Variants in FAM222B observed in about 807,000 individuals in gnomAD.
FAM222B encodes the protein family with sequence similarity 222 member B.
Under a neutral mutation model 38.0 loss-of-function variants are expected in FAM222B, and 12 were observed. The observed-to-expected ratio is 0.32, with a 90% CI of 0.20 to 0.51. FAM222B has a LOEUF of 0.51. Among genes scored for constraint, FAM222B ranks in the 20% least tolerant of loss-of-function variants. FAM222B has a pLI of 0.97. For synonymous variants in FAM222B, 329 were observed against 317.2 expected (o/e 1.04, Z -0.40); for missense variants, 716 against 754.2 (o/e 0.95, Z 0.59).
At chr17:28,772,446 C>T (rs1243323011) in intron 1 of FAM222B, among the ~76,000 whole-genome samples, 6 of 151,720 alleles carry the variant, frequency 4.0e-5, no homozygotes, top group Admixed American at 6.6e-5. Context: ...AGAGAGAGGC[C>T]GGTCGCGGTG....
At chr17:28,803,447 A>C (rs2037331389) in intron 1 of FAM222B, among the ~76,000 whole-genome samples, 1 of 151,998 alleles carries the variant, frequency 6.6e-6, no homozygotes, top group South Asian at 2.1e-4. Flanking sequence ...CTGGGAGTAC[A>C]GGCACACATC....
chr17:28,775,620 C>T (rs1451409208), intron 1 of FAM222B, among the ~76,000 whole-genome samples: 1 of 152,012 alleles, frequency 6.6e-6, no homozygotes, highest in Non-Finnish European at 1.5e-5. Context: ...TGGCTCACAC[C>T]TGGAATCCCC....
intron 1 of FAM222B, among the ~76,000 whole-genome samples, chr17:28,823,824 C>A (rs547402088): frequency 6.6e-6 from 1 of 152,002 alleles, no homozygotes; most frequent in Non-Finnish European, 1.5e-5. Flanking sequence ...TATCTAATTT[C>A]TCCATTTGGA....
intron 1 of FAM222B, among the ~76,000 whole-genome samples, chr17:28,782,372 T>C (rs2036202580): frequency 6.6e-6 from 1 of 152,038 alleles, no homozygotes; most frequent in Non-Finnish European, 1.5e-5. Context: ...TAATCAAAGA[T>C]GTGAAAAAAG....
At chr17:28,785,565 C>T (rs181113571) in intron 1 of FAM222B, among the ~76,000 whole-genome samples, 97 of 152,252 alleles carry the variant, frequency 6.4e-4, no homozygotes, top group African/African-American at 2.1e-3. Context: ...GACAGAGTTT[C>T]GCTCTTGTTG....
In FAM222B at chr17:28,756,500, G is replaced by A. The variant is rs1030014679; in HGVS notation, c.*1770C>T. ...TTTGGAGATCAAGCAAGGGGTAGGG[G>A]GAAGACAGTGGTGCTCTTTAAATCT... On this transcript the variant is annotated 3_prime_UTR_variant, in exon 3 of 3. Transcript: ENST00000581407. 1.2e-4 allele frequency: 18 copies of A among 152,452 alleles called. No homozygotes were observed. Among genetic ancestry groups the A allele is most frequent in the African/African-American group, 3.9e-4 (16 of 41,436 alleles). The allele number at this position is 152,452 out of a possible 1,614,324, so 9.4% of individuals were successfully genotyped here.
At chr17:28,787,418 C>CTA (rs1456866552) in intron 1 of FAM222B, among the ~76,000 whole-genome samples, 3 of 152,180 alleles carry the variant, frequency 2.0e-5, no homozygotes, top group African/African-American at 7.2e-5. Flanking sequence ...TCAAAGGCTT[C>CTA]TATATAGCCT....
At chr17:28,813,667 C>A (rs1431088695) in intron 1 of FAM222B, among the ~76,000 whole-genome samples, 1 of 151,200 alleles carries the variant, frequency 6.6e-6, no homozygotes, top group Admixed American at 6.6e-5. Flanking sequence ...GCTGGAGTAG[C>A]TGGGACTACA....
At chr17:28,771,969 AT>A (rs2035654330) in intron 1 of FAM222B, among the ~76,000 whole-genome samples, 1 of 152,178 alleles carries the variant, frequency 6.6e-6, no homozygotes, top group African/African-American at 2.4e-5. Context: ...AGGCAGGAGA[AT>A]GGCATGAACC....
At chr17:28,852,304 C>G (rs960411177) in intron 1 of FAM222B, among the ~76,000 whole-genome samples, 2 of 151,320 alleles carry the variant, frequency 1.3e-5, no homozygotes, top group Non-Finnish European at 3.0e-5. Flanking sequence ...GAGGCAGAGC[C>G]AAGATCGTGC....
In FAM222B at chr17:28,758,726, C is replaced by A; in HGVS notation, c.1233G>T (p.Pro411=). The A allele has an allele frequency of 6.3e-7, 1 of 1,585,460 alleles. No homozygotes were observed. The highest frequency in any genetic ancestry group is 8.6e-7 in the Non-Finnish European group (1 of 1,163,712). Residue 411 remains proline, a synonymous_variant, in exon 3 of 3, where the codon CCG becomes CCT. Coordinates refer to ENST00000581407, the MANE Select transcript of FAM222B (RefSeq NM_001077498.3). ...PGFVGKAPAY[P]QELCLAQSFH... The stretch of plus-strand genomic sequence containing the variant: ...AGGACTGCGCCAGGCAGAGTTCCTG[C>A]GGGTAGGCAGGGGCCTTGCCCACAA...
chr17:28,814,994 G>C (rs138331528), intron 1 of FAM222B, among the ~76,000 whole-genome samples: 1 of 149,906 alleles, frequency 6.7e-6, no homozygotes, highest in Non-Finnish European at 1.5e-5. Flanking sequence ...GGCTGATCTC[G>C]AACTCCAGAC....
chr17:28,803,825 CA>C (rs1387928526), intron 1 of FAM222B, among the ~76,000 whole-genome samples: 1 of 151,400 alleles, frequency 6.6e-6, no homozygotes, highest in African/African-American at 2.4e-5. Flanking sequence ...TAAAAAAATA[CA>C]AAAAAATTAG....
intron 1 of FAM222B, among the ~76,000 whole-genome samples, chr17:28,810,061 A>G (rs2037681413): frequency 6.6e-6 from 1 of 151,906 alleles, no homozygotes; most frequent in South Asian, 2.1e-4. Flanking sequence ...CAGTGGTACA[A>G]CCTTGGCTCA....
chr17:28,847,554 A>G (rs1268210530), upstream of FAM222B, among the ~76,000 whole-genome samples: 2 of 152,054 alleles, frequency 1.3e-5, no homozygotes, highest in African/African-American at 4.8e-5. Context: ...AGATCGTGCC[A>G]CTGCACTGCA....
Position 28,757,725 on chromosome 17 carries a change from T to C in FAM222B, c.*545A>G, listed in dbSNP as rs1775420024. The C allele has an allele frequency of 6.5e-6, 1 of 152,680 alleles. No homozygotes were observed. Among genetic ancestry groups the C allele is most frequent in the African/African-American group, 2.4e-5 (1 of 41,390 alleles). The allele number at this position is 152,680 out of a possible 1,614,324, so 9.5% of individuals were successfully genotyped here. The stretch of plus-strand genomic sequence containing the variant: ...ATCAATATAGACACAAAACAAAGCC[T>C]TGAGGAATGGAAAGGAACTTGAAGG... On this transcript the variant is annotated 3_prime_UTR_variant, in exon 3 of 3. Coordinates refer to ENST00000581407, the MANE Select transcript of FAM222B (RefSeq NM_001077498.3).
At position 28,757,946 on chromosome 17, in the gene FAM222B, C is replaced by T. The variant is rs1469415040; in HGVS notation, c.*324G>A. The T allele has an allele frequency of 1.2e-5, 3 of 252,044 alleles. No homozygotes were observed. The highest frequency in any genetic ancestry group is 2.3e-5 in the Non-Finnish European group (3 of 130,922). 15.6% of individuals were successfully genotyped at this position (252,044 alleles called of 1,614,324 possible). A position where few individuals can be genotyped will look rare whatever the true frequency, so the allele number is the denominator to read the frequency against. ...TTCCGTCAGCCCACACCTCAGTCGT[C>T]CTAAGGGAAACAGGAAGAGATTCAA... On this transcript the variant is annotated 3_prime_UTR_variant, in exon 3 of 3. Coordinates refer to ENST00000581407, the MANE Select transcript of FAM222B (RefSeq NM_001077498.3).
At chr17:28,778,699 A>ATG (rs2036015757) in intron 1 of FAM222B, among the ~76,000 whole-genome samples, 2 of 66,690 alleles carry the variant, frequency 3.0e-5, no homozygotes, top group African/African-American at 1.2e-4. Flanking sequence ...GTGTGTGTGT[A>ATG]TATATATATA....
intron 1 of FAM222B, among the ~76,000 whole-genome samples, chr17:28,829,046 C>T (rs1265429903): frequency 6.6e-6 from 1 of 151,184 alleles, no homozygotes; most frequent in Admixed American, 6.6e-5. Context: ...GCTGGGACTA[C>T]AGGTGCGCGC....
Sources: allele counts gnomAD v4.1 joint callset (sites outside exome capture counted in the v4.1 genomes callset), GRCh38; gene constraint gnomAD v4.1.1; transcripts MANE v1.5; gene names NCBI Gene and HGNC (gene_info 2026-07-23, HGNC 2026-07-21).